MAP2: variants seen among roughly 807,000 people sequenced by gnomAD.
MAP2 encodes microtubule associated protein 2, also known as microtubule-associated protein 2.
MAP2 carries 14 observed loss-of-function variants against 137.6 expected under a neutral mutation model. That is an observed-to-expected ratio of 0.10 (90% CI 0.07 to 0.16). MAP2 has a LOEUF of 0.16. Ranked by LOEUF, MAP2 falls within the 10% of genes least tolerant of loss-of-function variation. MAP2 has a pLI of 1.00. For synonymous variants in MAP2, 786 were observed against 782.3 expected, an observed-to-expected ratio of 1.00 and a Z score of -0.08; for missense variants, 2,088 against 2,191.5, an observed-to-expected ratio of 0.95 and a Z score of 0.94.
At chr2:209,439,551 G>A (rs554145911) in intron 1 of MAP2, among the ~76,000 whole-genome samples, 65 of 151,430 alleles carry the variant, frequency 4.3e-4, no homozygotes, top group African/African-American at 1.5e-3. Context: ...TTCACATCTA[G>A]GAATCTGGAA....
chr2:209,482,459 C>T (rs1453861331), intron 1 of MAP2, among the ~76,000 whole-genome samples: 1 of 152,148 alleles, frequency 6.6e-6, no homozygotes, highest in Non-Finnish European at 1.5e-5. Context: ...TCAGAGTCAG[C>T]CTCTCTAAAA....
chr2:209,613,251 TTTTATTTATTTA>T (rs140601805), intron 3 of MAP2, among the ~76,000 whole-genome samples: 3,026 of 150,584 alleles, frequency 0.02, 44 homozygotes, highest in Non-Finnish European at 0.03. Context: ...TTATTTCTAT[TTTTATTTATTTA>T]TTTATTTATT....
At chr2:209,648,160 G>T (rs2094530322) in intron 4 of MAP2, among the ~76,000 whole-genome samples, 1 of 150,764 alleles carries the variant, frequency 6.6e-6, no homozygotes, top group Non-Finnish European at 1.5e-5. Flanking sequence ...GGAGTGCAAT[G>T]GTGTGATCGC....
intron 2 of MAP2, among the ~76,000 whole-genome samples, chr2:209,578,746 CAACTGCT>C (rs1416963894): frequency 1.3e-5 from 2 of 152,140 alleles, no homozygotes; most frequent in Non-Finnish European, 2.9e-5. Flanking sequence ...TAGGGATATT[CAACTGCT>C]AATTTCAGTT....
chr2:209,479,216 G>A (rs1262303801), intron 1 of MAP2, among the ~76,000 whole-genome samples: 3 of 151,734 alleles, frequency 2.0e-5, no homozygotes, highest in Non-Finnish European at 2.9e-5. Flanking sequence ...ATATGGTTGT[G>A]CAAAAAACAT....
intron 2 of MAP2, among the ~76,000 whole-genome samples, chr2:209,543,888 T>C (rs1165113424): frequency 6.6e-6 from 1 of 152,202 alleles, no homozygotes; most frequent in African/African-American, 2.4e-5. Context: ...CCATGATGTC[T>C]GTCTCTCTAA....
intron 7 of MAP2, among the ~76,000 whole-genome samples, chr2:209,682,363 C>A (rs914618485): frequency 3.9e-5 from 6 of 152,000 alleles, no homozygotes; most frequent in Admixed American, 2.0e-4. Flanking sequence ...TGGTGGCGTA[C>A]GCCTATAATC....
At chr2:209,424,910 T>C (rs999175313) in intron 1 of MAP2, among the ~76,000 whole-genome samples, 5 of 149,912 alleles carry the variant, frequency 3.3e-5, no homozygotes, top group South Asian at 2.2e-4. Context: ...TTTTTAAACG[T>C]TGGGGGTGGA....
chr2:209,534,357 T>C (rs1442691644), intron 2 of MAP2, among the ~76,000 whole-genome samples: 1 of 152,192 alleles, frequency 6.6e-6, no homozygotes, highest in Non-Finnish European at 1.5e-5. Context: ...AAATAGGAAT[T>C]CCAGCTCAGT....
chr2:209,613,673 G>T (rs1256054761), intron 3 of MAP2, among the ~76,000 whole-genome samples: 1 of 152,172 alleles, frequency 6.6e-6, no homozygotes, highest in Non-Finnish European at 1.5e-5. Flanking sequence ...TTTTATTGTA[G>T]TATAGTTATT....
At chr2:209,440,476 A>G (rs1394276571) in intron 1 of MAP2, among the ~76,000 whole-genome samples, 1 of 151,486 alleles carries the variant, frequency 6.6e-6, no homozygotes, top group African/African-American at 2.4e-5. Flanking sequence ...TGAGAAAGTC[A>G]TTTGACCCTC....
At position 209,695,199 on chromosome 2, in the gene MAP2, C is replaced by A; in HGVS notation, c.3029C>A (p.Ala1010Glu). The stretch of plus-strand genomic sequence containing the variant: ...AAAGATTTGTCAATACCAACAGATG[C>A]ATCCTCTGAGAAAGCAGAGAAGGGT... ...LAKDLSIPTDASSEKAEKGLS... is the reference protein window; with the variant it reads ...LAKDLSIPTDESSEKAEKGLS... Residue 1010 changes from alanine to glutamate, a missense_variant, in exon 8 of 16, where the codon GCA becomes GAA. Ala to Glu is a moderately radical substitution (Grantham distance 107, BLOSUM62 -1). Transcript: ENST00000682079. 1 of 1,614,118 alleles carries A rather than the reference C, an allele frequency of 6.2e-7. No homozygotes were observed. The highest frequency in any genetic ancestry group is 8.5e-7 in the Non-Finnish European group (1 of 1,179,996).
chr2:209,475,038 G>A (rs1000012948), intron 1 of MAP2, among the ~76,000 whole-genome samples: 1 of 151,952 alleles, frequency 6.6e-6, no homozygotes, highest in Non-Finnish European at 1.5e-5. Flanking sequence ...TTTTCTATGT[G>A]TATGAAGAGG....
In MAP2 at chr2:209,659,149, C is replaced by G. The variant is rs1283566318; in HGVS notation, c.262+5717C>G. On this transcript the variant is annotated intron_variant, in intron 5 of 15. Coordinates refer to ENST00000682079, the MANE Select transcript of MAP2 (RefSeq NM_001375505.1). ...CAACTCTCTTCTCAACTGTCCTAACCTCAAGAAGTGGTATGGATTTTTTTT... is the reference window on the plus strand; with the variant it reads ...CAACTCTCTTCTCAACTGTCCTAACGTCAAGAAGTGGTATGGATTTTTTTT... 2.0e-5 allele frequency among the ~76,000 whole-genome samples: 3 copies of G among 152,086 alleles called. No homozygotes were observed. In the East Asian group the frequency reaches 5.8e-4, roughly 29 times the overall value.
At chr2:209,610,674 T>G (rs1344122435) in intron 3 of MAP2, among the ~76,000 whole-genome samples, 1 of 152,122 alleles carries the variant, frequency 6.6e-6, no homozygotes, top group African/African-American at 2.4e-5. Context: ...AACTATTCTT[T>G]CCAGTTCTCC....
chr2:209,452,349 C>A (rs913970184), intron 1 of MAP2, among the ~76,000 whole-genome samples: 1 of 152,192 alleles, frequency 6.6e-6, no homozygotes, highest in African/African-American at 2.4e-5. Context: ...TATCCCCTGG[C>A]AGGTCCTTCT....
At chr2:209,604,944 C>G (rs890247684) in intron 3 of MAP2, among the ~76,000 whole-genome samples, 3 of 151,968 alleles carry the variant, frequency 2.0e-5, no homozygotes, top group African/African-American at 7.3e-5. Flanking sequence ...TTGAACAAAG[C>G]CTGATGGTTA....
At chr2:209,701,547 A>C (rs2061764901) in intron 11 of MAP2, among the ~76,000 whole-genome samples, 1 of 152,056 alleles carries the variant, frequency 6.6e-6, no homozygotes, top group Non-Finnish European at 1.5e-5. Context: ...AACACATGTA[A>C]TATGTAAATC....
chr2:209,593,945 A>G lies in MAP2; in HGVS notation c.-107+13845A>G, dbSNP rs1230968138. 1.1e-4 allele frequency among the ~76,000 whole-genome samples: 14 copies of G among 132,746 alleles called. No homozygotes were observed. The South Asian group carries it at 3.1e-3, about 29-fold the overall frequency. 87.1% of individuals were successfully genotyped at this position (132,746 alleles called of 152,430 possible). A position where few individuals can be genotyped will look rare whatever the true frequency, so the allele number is the denominator to read the frequency against. The stretch of plus-strand genomic sequence containing the variant: ...TATTAAAATATATAAATATATATTT[A>G]TATATATATACACACACATATTTTA... On this transcript the variant is annotated intron_variant, in intron 3 of 15. Transcript: ENST00000682079.
Sources: allele counts gnomAD v4.1 joint callset (sites outside exome capture counted in the v4.1 genomes callset), GRCh38; gene constraint gnomAD v4.1.1; transcripts MANE v1.5; gene names NCBI Gene and HGNC (gene_info 2026-07-23, HGNC 2026-07-21).